Variants in TVP23C observed in about 807,000 individuals in gnomAD.
TVP23C encodes trans-golgi network vesicle protein 23 homolog C, also known as Golgi apparatus membrane protein TVP23 homolog C.
TVP23C carries 19 observed loss-of-function variants against 28.7 expected under a neutral mutation model. That is an observed-to-expected ratio of 0.66 (90% CI 0.46 to 0.97). TVP23C has a LOEUF of 0.97. Among genes scored for constraint, TVP23C ranks in the 50% least tolerant of loss-of-function variants. The pLI, the probability that TVP23C is intolerant of heterozygous loss-of-function variation, is 0.00. For missense variants in TVP23C, 186 were observed against 241.3 expected, an observed-to-expected ratio of 0.77 and a Z score of 1.52; for synonymous variants, 68 against 81.7, an observed-to-expected ratio of 0.83 and a Z score of 0.90.
chr17:15,545,592 G>A (rs1983609123), intron 5 of TVP23C, among the ~76,000 whole-genome samples, 193 bp downstream of exon 5: 1 of 152,294 alleles, frequency 6.6e-6, no homozygotes. Flanking sequence ...CTGGTGGGAA[G>A]GGGTTTTTTA....
chr17:15,531,129 A>G (rs1055935825), intron 5 of TVP23C: 2 of 152,244 alleles, frequency 1.3e-5, no homozygotes, highest in African/African-American at 4.8e-5. Context: ...ATGTCATTCT[A>G]CAGCCTTCTG....
At chr17:15,511,752 T>C (rs1243741394) in intron 5 of TVP23C, among the ~76,000 whole-genome samples, 1 of 152,218 alleles carries the variant, frequency 6.6e-6, no homozygotes, top group African/African-American at 2.4e-5. Context: ...TATTTTTTCC[T>C]TTCAATTGTG....
At chr17:15,557,042 G>A (rs568123844) in intron 1 of TVP23C, among the ~76,000 whole-genome samples, 1 of 149,414 alleles carries the variant, frequency 6.7e-6, no homozygotes, top group Admixed American at 6.7e-5. Context: ...CCCATCTCCT[G>A]CCTTTCACAT....
At chr17:15,526,742 CAAGA>C (rs1450266184) in intron 5 of TVP23C, among the ~76,000 whole-genome samples, 1 of 151,960 alleles carries the variant, frequency 6.6e-6, no homozygotes, top group Admixed American at 6.6e-5. Flanking sequence ...AAGCTACAAG[CAAGA>C]GAGAACTGGG....
rs1983298393 is a variant in TVP23C, at chr17:15,539,280, T to C, written c.*1132A>G. 1 of 985,436 alleles carries C rather than the reference T, an allele frequency of 1.0e-6. No homozygotes were observed. The highest frequency in any genetic ancestry group is 5.2e-4 in the Middle Eastern group (1 of 1,916). 61.0% of individuals were successfully genotyped at this position (985,436 alleles called of 1,614,324 possible). ...ACATAATATCACTTGCCCAACCTAC[T>C]GTACTAACCAAATGCAAGGTATTAC... On this transcript the variant is annotated 3_prime_UTR_variant, in exon 6 of 6. Transcript: ENST00000518321.
chr17:15,519,097 T>G (rs1982359709), intron 5 of TVP23C, among the ~76,000 whole-genome samples: 1 of 152,174 alleles, frequency 6.6e-6, no homozygotes, highest in African/African-American at 2.4e-5. Context: ...TCCCCAGCCA[T>G]GCAGAACTGT....
At chr17:15,525,140 T>C (rs1324665425) in intron 5 of TVP23C, among the ~76,000 whole-genome samples, 1 of 152,248 alleles carries the variant, frequency 6.6e-6, no homozygotes, top group African/African-American at 2.4e-5. Context: ...AGGTCAGCAG[T>C]TGAAAACAGC....
chr17:15,534,518 G>A (rs1597525418), downstream of TVP23C, among the ~76,000 whole-genome samples: 2 of 149,878 alleles, frequency 1.3e-5, no homozygotes, highest in East Asian at 2.0e-4. Flanking sequence ...AGCTCTAAGA[G>A]TTATATAGAT....
intron 5 of TVP23C, chr17:15,516,332 G>C (rs1479252914): frequency 6.6e-6 from 1 of 152,322 alleles, no homozygotes; most frequent in African/African-American, 2.4e-5. Flanking sequence ...GGAGCAGGAA[G>C]AGATGGTTAG....
chr17:15,555,382 T>C lies in TVP23C; in HGVS notation c.13-18A>G. ...TTACTATCCTGGTTGGAAAAATAAA[T>C]GGTCAAGAAGCAAAACAAAATTCAG... On this transcript the variant is annotated intron_variant, in intron 1 of 5. Coordinates refer to ENST00000518321, the MANE Select transcript of TVP23C (RefSeq NM_001135036.2). The C allele has an allele frequency of 6.2e-7, 1 of 1,613,870 alleles. No individual in the cohort carries two copies. Among genetic ancestry groups the C allele is most frequent in the Non-Finnish European group, 8.5e-7 (1 of 1,179,846 alleles).
At chr17:15,547,363 A>C (rs1360953732) in intron 3 of TVP23C, among the ~76,000 whole-genome samples, 1 of 152,132 alleles carries the variant, frequency 6.6e-6, no homozygotes, top group African/African-American at 2.4e-5. Flanking sequence ...CAGAGCAAGC[A>C]ACAAGTCCAC....
Position 15,529,467 on chromosome 17 carries a change from CTTAA to C in TVP23C, c.462+16314_462+16317del, listed in dbSNP as rs1567636470. 2.6e-5 allele frequency among the ~76,000 whole-genome samples: 4 copies of C among 151,946 alleles called. No homozygotes were observed. The South Asian group carries it at 6.3e-4, about 24-fold the overall frequency. ...ACTCTGTCTCAAAAAAAAAAAGTAACTTAATTGTTAATAATTATTCAATATGGAG... is the reference window on the plus strand; with the variant it reads ...ACTCTGTCTCAAAAAAAAAAAGTAACTTGTTAATAATTATTCAATATGGAG... On this transcript the variant is annotated intron_variant, in intron 5 of 5. Transcript: ENST00000225576.
At chr17:15,523,905 G>A (rs1374974683) in intron 5 of TVP23C, among the ~76,000 whole-genome samples, 4 of 152,142 alleles carry the variant, frequency 2.6e-5, no homozygotes, top group African/African-American at 9.7e-5. Flanking sequence ...GAGCCACCGC[G>A]CCCAGCCGCC....
intron 5 of TVP23C, among the ~76,000 whole-genome samples, chr17:15,516,255 G>C (rs1223065451): frequency 6.6e-6 from 1 of 152,236 alleles, no homozygotes; most frequent in East Asian, 1.9e-4. Context: ...GCGACAGCAA[G>C]AATGGAGAAG....
intron 3 of TVP23C, among the ~76,000 whole-genome samples, chr17:15,548,328 A>T (rs972395373): frequency 6.6e-6 from 1 of 152,138 alleles, no homozygotes; most frequent in Admixed American, 6.5e-5. Context: ...CATCATGCCC[A>T]GCTAATTTTG....
At chr17:15,503,266 G>C (rs1981568904) in intron 5 of TVP23C, 5 of 1,451,490 alleles carry the variant, frequency 3.4e-6, no homozygotes, top group African/African-American at 1.4e-5. Flanking sequence ...AATTAGCCAG[G>C]TGTAGTGGCG....
chr17:15,527,235 G>A (rs1280722628), intron 5 of TVP23C, among the ~76,000 whole-genome samples: 1 of 152,146 alleles, frequency 6.6e-6, no homozygotes, highest in East Asian at 1.9e-4. Context: ...TTTTCTGCCT[G>A]TAAATACTCA....
intron 5 of TVP23C, 38 bp from the exon 6 acceptor site, chr17:15,540,599 C>A: frequency 6.2e-7 from 1 of 1,604,070 alleles, no homozygotes; most frequent in Middle Eastern, 1.7e-4. Context: ...GGTTACTGGC[C>A]TGAAATTGAC....
At chr17:15,509,561 A>G (rs553836012) in intron 5 of TVP23C, among the ~76,000 whole-genome samples, 4 of 152,266 alleles carry the variant, frequency 2.6e-5, no homozygotes, top group African/African-American at 4.8e-5. Flanking sequence ...TCCTCTGCCT[A>G]TTAACATTCC....
Sources: allele counts gnomAD v4.1 joint callset (sites outside exome capture counted in the v4.1 genomes callset), GRCh38; gene constraint gnomAD v4.1.1; transcripts MANE v1.5; gene names NCBI Gene and HGNC (gene_info 2026-07-23, HGNC 2026-07-21).